The following CNTN5 variants were observed in gnomAD, a reference collection of about 807,000 sequenced individuals.
CNTN5 encodes contactin-5.
Under a neutral mutation model 129.1 loss-of-function variants are expected in CNTN5, and 77 were observed. The ratio of observed to expected loss-of-function variants is 0.60; its 90% confidence interval spans 0.50 to 0.72. The LOEUF (loss-of-function observed/expected upper bound fraction) is 0.72, where lower values mean the gene tolerates loss of function less well. Ranked by LOEUF, CNTN5 falls within the 30% of genes least tolerant of loss-of-function variation. The pLI is 0.00. For synonymous variants in CNTN5, 509 were observed against 465.6 expected (o/e 1.09, Z -1.20); for missense variants, 1,478 against 1,328.8 (o/e 1.11, Z -1.75).
rs553323170 is a variant in CNTN5, at chr11:99,953,040, TG to T, written c.674-3764del. Among the ~76,000 whole-genome samples the T allele has an allele frequency of 3.1e-4, 47 of 152,312 alleles. 1 individual carries two copies. The East Asian group carries it at 8.5e-3, about 28-fold the overall frequency. The stretch of plus-strand genomic sequence containing the variant: ...GTACACACACTATTAGAAAGAAGAA[TG>T]GTTATTTCCCAACATGTAGTTATAT... On this transcript the variant is annotated intron_variant, in intron 7 of 24. Coordinates refer to ENST00000524871, the MANE Select transcript of CNTN5 (RefSeq NM_014361.4).
chr11:99,823,667 A>G (rs1205484079), intron 4 of CNTN5, among the ~76,000 whole-genome samples: 5 of 152,220 alleles, frequency 3.3e-5, no homozygotes, highest in East Asian at 1.9e-4. Context: ...TAATTTCATG[A>G]AAGTGTCTTG....
At chr11:99,627,197 G>A (rs1422281401) in intron 3 of CNTN5, among the ~76,000 whole-genome samples, 1 of 152,116 alleles carries the variant, frequency 6.6e-6, no homozygotes, top group African/African-American at 2.4e-5. Flanking sequence ...CACTGACCAT[G>A]TGAATGACTA....
intron 9 of CNTN5, among the ~76,000 whole-genome samples, chr11:100,041,699 G>A (rs1181338171): frequency 6.6e-6 from 1 of 152,098 alleles, no homozygotes; most frequent in East Asian, 1.9e-4. Context: ...TGCTTTCAGT[G>A]CTAAATAACT....
intron 2 of CNTN5, among the ~76,000 whole-genome samples, chr11:99,474,362 T>C (rs968212604): frequency 6.6e-6 from 1 of 152,076 alleles, no homozygotes; most frequent in African/African-American, 2.4e-5. Context: ...ATCCTAACTT[T>C]ACATTTTAAA....
At chr11:99,785,244 G>C (rs1044479075) in intron 3 of CNTN5, among the ~76,000 whole-genome samples, 2 of 152,074 alleles carry the variant, frequency 1.3e-5, no homozygotes, top group Non-Finnish European at 2.9e-5. Flanking sequence ...CCCACATTTT[G>C]ATGGGATTTT....
At chr11:100,331,059 CAACT>C (rs1420419621) in intron 21 of CNTN5, among the ~76,000 whole-genome samples, 1 of 152,228 alleles carries the variant, frequency 6.6e-6, no homozygotes, top group East Asian at 1.9e-4. Flanking sequence ...AAAAATTCAC[CAACT>C]AAGTTTCTGC....
At chr11:99,870,091 G>C (rs1310964603) in intron 6 of CNTN5, among the ~76,000 whole-genome samples, 1 of 152,120 alleles carries the variant, frequency 6.6e-6, no homozygotes, top group Non-Finnish European at 1.5e-5. Flanking sequence ...CATAATAAAT[G>C]TGTTGTGATT....
At chr11:99,095,080 C>T (rs1426880945) in intron 1 of CNTN5, among the ~76,000 whole-genome samples, 1 of 151,588 alleles carries the variant, frequency 6.6e-6, no homozygotes, top group Non-Finnish European at 1.5e-5. Context: ...CTTGCTGTAC[C>T]CATCAACTTG....
chr11:99,736,763 T>C (rs1404579135), intron 3 of CNTN5, among the ~76,000 whole-genome samples: 2 of 152,178 alleles, frequency 1.3e-5, no homozygotes, highest in East Asian at 3.9e-4. Flanking sequence ...TATGTATCTA[T>C]ATCTATAAAA....
At chr11:100,252,168 T>A (rs1298978639) in intron 16 of CNTN5, among the ~76,000 whole-genome samples, 1 of 152,198 alleles carries the variant, frequency 6.6e-6, no homozygotes, top group Non-Finnish European at 1.5e-5. Flanking sequence ...TGATTATCAG[T>A]GATGCTGACC....
chr11:99,513,452 G>T (rs1002701365), intron 2 of CNTN5, among the ~76,000 whole-genome samples: 3 of 152,116 alleles, frequency 2.0e-5, no homozygotes, highest in Admixed American at 2.0e-4. Flanking sequence ...GTTGGAAGAA[G>T]ATGCCGTCTA....
chr11:99,625,233 A>T (rs1312506758), intron 3 of CNTN5, among the ~76,000 whole-genome samples: 2 of 152,182 alleles, frequency 1.3e-5, no homozygotes, highest in African/African-American at 4.8e-5. Context: ...TGGCTTTTCT[A>T]CTGAATGATG....
intron 1 of CNTN5, among the ~76,000 whole-genome samples, chr11:99,187,335 G>T (rs557658525): frequency 1.1e-4 from 17 of 151,770 alleles, no homozygotes; most frequent in Admixed American, 1.1e-3. Flanking sequence ...CACCCTAGAT[G>T]TATAACCCTG....
intron 3 of CNTN5, among the ~76,000 whole-genome samples, chr11:99,683,050 C>G (rs750084941): frequency 6.6e-6 from 1 of 151,880 alleles, no homozygotes; most frequent in Non-Finnish European, 1.5e-5. Flanking sequence ...TATTTATTAA[C>G]ATATAATTCC....
At chr11:100,192,526 G>A (rs1462507327) in intron 14 of CNTN5, among the ~76,000 whole-genome samples, 2 of 152,040 alleles carry the variant, frequency 1.3e-5, no homozygotes. Flanking sequence ...CTGCACTGTC[G>A]CAAACAATAG....
chr11:99,651,826 T>G (rs532173820), intron 3 of CNTN5, among the ~76,000 whole-genome samples: 37 of 152,122 alleles, frequency 2.4e-4, no homozygotes, highest in African/African-American at 8.2e-4. Flanking sequence ...TTTTGTTTTT[T>G]ACTTACCCAT....
At chr11:99,342,390 T>A (rs1464861586) in intron 2 of CNTN5, among the ~76,000 whole-genome samples, 1 of 151,702 alleles carries the variant, frequency 6.6e-6, no homozygotes, top group African/African-American at 2.4e-5. Context: ...ACAATCATTT[T>A]AAAAATTATT....
chr11:99,709,850 GC>G (rs1399284740), intron 3 of CNTN5, among the ~76,000 whole-genome samples: 1 of 151,764 alleles, frequency 6.6e-6, no homozygotes, highest in Non-Finnish European at 1.5e-5. Context: ...TTAGAGGAGA[GC>G]CCTTAGGTTT....
At chr11:99,911,290 C>A (rs536932658) in intron 6 of CNTN5, among the ~76,000 whole-genome samples, 1 of 151,960 alleles carries the variant, frequency 6.6e-6, no homozygotes, top group Non-Finnish European at 1.5e-5. Flanking sequence ...GTCTAAAACT[C>A]ATTAGGGCCA....
Sources: allele counts gnomAD v4.1 joint callset (sites outside exome capture counted in the v4.1 genomes callset), GRCh38; gene constraint gnomAD v4.1.1; transcripts MANE v1.5; gene names NCBI Gene and HGNC (gene_info 2026-07-23, HGNC 2026-07-21).